The following ELP4 variants were observed in gnomAD, a reference collection of about 807,000 sequenced individuals.
ELP4 encodes elongator acetyltransferase complex subunit 4, also known as elongator complex protein 4.
ELP4 carries 51 observed loss-of-function variants against 48.9 expected under a neutral mutation model. That is an observed-to-expected ratio of 1.04 (90% CI 0.83 to 1.32). The LOEUF (loss-of-function observed/expected upper bound fraction) is 1.32. Among genes scored for constraint, ELP4 ranks in the 40% most tolerant of loss-of-function variants. The pLI, the probability that ELP4 is intolerant of heterozygous loss-of-function variation, is 0.00. For missense variants in ELP4, 519 were observed against 514.6 expected, an observed-to-expected ratio of 1.01 and a Z score of -0.08; for synonymous variants, 210 against 189.2, an observed-to-expected ratio of 1.11 and a Z score of -0.90.
rs539595589 is a variant in ELP4, at chr11:31,690,422, T to TA, written c.1143+40210dup. Among the ~76,000 whole-genome samples, 1,391 of 151,108 alleles carry TA rather than the reference T, an allele frequency of 9.2e-3. 13 individuals are homozygous for TA. Among genetic ancestry groups the TA allele is most frequent in the African/African-American group, 0.022 (895 of 41,332 alleles). On this transcript the variant is annotated intron_variant, in intron 9 of 9. Transcript: ENST00000640961. ...CTGACCAAATACCCCTTCTTTTTCC[T>TA]AAAAAAAAATATATATATTTTATAT...
At chr11:31,574,924 G>T (rs550710966) in intron 3 of ELP4, among the ~76,000 whole-genome samples, 1 of 152,316 alleles carries the variant, frequency 6.6e-6, no homozygotes, top group South Asian at 2.1e-4. Context: ...GAACAAAGCT[G>T]GACGGAGAAT....
At chr11:31,510,076 A>G (rs1024587678) in intron 1 of ELP4, 69 bp downstream of exon 1, 4 of 1,436,076 alleles carry the variant, frequency 2.8e-6, no homozygotes, top group Admixed American at 1.9e-5. Flanking sequence ...CGGGGAAGCC[A>G]CTTTGACCCC....
chr11:31,532,941 T>C (rs1301879586), intron 2 of ELP4, among the ~76,000 whole-genome samples: 3 of 151,976 alleles, frequency 2.0e-5, no homozygotes, highest in Non-Finnish European at 4.4e-5. Flanking sequence ...CTGGCTAATT[T>C]TGTATTTTTT....
At chr11:31,778,842 T>C (rs1948304622) in intron 9 of ELP4, among the ~76,000 whole-genome samples, 1 of 152,156 alleles carries the variant, frequency 6.6e-6, no homozygotes, top group Non-Finnish European at 1.5e-5. Context: ...GTTGTTGTTT[T>C]TTGTTTTTGT....
chr11:31,584,821 G>A (rs774496924), intron 3 of ELP4, among the ~76,000 whole-genome samples: 3 of 152,086 alleles, frequency 2.0e-5, no homozygotes, highest in Admixed American at 6.6e-5. Context: ...CACCACGCCC[G>A]GCCAATTCGT....
chr11:31,760,041 A>G (rs1947912594), intron 9 of ELP4, among the ~76,000 whole-genome samples: 1 of 152,178 alleles, frequency 6.6e-6, no homozygotes, highest in Admixed American at 6.5e-5. Context: ...GTTTGTATTC[A>G]TCAGCTTCAG....
chr11:31,722,464 T>C (rs1946984045), intron 9 of ELP4, among the ~76,000 whole-genome samples: 1 of 152,228 alleles, frequency 6.6e-6, no homozygotes, highest in Non-Finnish European at 1.5e-5. Context: ...TAATCAATCA[T>C]CTGTGACTTC....
chr11:31,522,137 G>A (rs1198667602), intron 2 of ELP4, among the ~76,000 whole-genome samples: 1 of 152,122 alleles, frequency 6.6e-6, no homozygotes, highest in Non-Finnish European at 1.5e-5. Context: ...AACATTACAT[G>A]TAAGAGAGAA....
At chr11:31,583,579 G>A (rs1957425676) in intron 3 of ELP4, among the ~76,000 whole-genome samples, 1 of 152,048 alleles carries the variant, frequency 6.6e-6, no homozygotes, top group Non-Finnish European at 1.5e-5. Flanking sequence ...TCCAGCCTGG[G>A]CCACACAGCG....
intron 9 of ELP4, among the ~76,000 whole-genome samples, chr11:31,655,440 G>A (rs901672204): frequency 4.6e-5 from 7 of 151,726 alleles, no homozygotes; most frequent in Non-Finnish European, 7.4e-5. Flanking sequence ...GGTATAATCC[G>A]CAATTGGGCC....
chr11:31,744,237 G>A (rs1947525501), intron 9 of ELP4, among the ~76,000 whole-genome samples: 1 of 152,138 alleles, frequency 6.6e-6, no homozygotes, highest in African/African-American at 2.4e-5. Flanking sequence ...CTCTGAAATT[G>A]AGGCAATAAT....
chr11:31,739,155 G>A (rs1318897123), intron 9 of ELP4, among the ~76,000 whole-genome samples: 1 of 152,072 alleles, frequency 6.6e-6, no homozygotes, highest in Admixed American at 6.5e-5. Context: ...AATGGGGAAT[G>A]TTAGGATGAG....
chr11:31,752,164 A>T (rs777118924), intron 9 of ELP4, among the ~76,000 whole-genome samples: 1 of 152,210 alleles, frequency 6.6e-6, no homozygotes, highest in Non-Finnish European at 1.5e-5. Flanking sequence ...ACACACACTC[A>T]CACACACTGC....
intron 3 of ELP4, among the ~76,000 whole-genome samples, chr11:31,585,008 C>G (rs931302555): frequency 1.3e-5 from 2 of 152,060 alleles, no homozygotes; most frequent in Non-Finnish European, 2.9e-5. Flanking sequence ...TTAAGAATTA[C>G]TACATTTTAG....
intron 3 of ELP4, among the ~76,000 whole-genome samples, chr11:31,562,582 G>A (rs1039680025): frequency 6.6e-6 from 1 of 151,982 alleles, no homozygotes; most frequent in East Asian, 1.9e-4. Context: ...ACTTATAAAT[G>A]TATTAAAACA....
At chr11:31,581,459 A>G (rs1449477889) in intron 3 of ELP4, among the ~76,000 whole-genome samples, 2 of 152,332 alleles carry the variant, frequency 1.3e-5, no homozygotes, top group Non-Finnish European at 2.9e-5. Flanking sequence ...GTTGCTGAAC[A>G]TACAATTCTA....
At chr11:31,686,966 C>G (rs1405404878) in intron 9 of ELP4, among the ~76,000 whole-genome samples, 2 of 151,894 alleles carry the variant, frequency 1.3e-5, no homozygotes, top group Non-Finnish European at 2.9e-5. Flanking sequence ...AGTTAGGAAA[C>G]TGTTGCAGAG....
chr11:31,614,019 T>G (rs1427397290), intron 5 of ELP4, among the ~76,000 whole-genome samples: 1 of 152,072 alleles, frequency 6.6e-6, no homozygotes, highest in Non-Finnish European at 1.5e-5. Flanking sequence ...CCTGAACACT[T>G]GAGTCATTTT....
intron 3 of ELP4, among the ~76,000 whole-genome samples, chr11:31,593,672 C>T (rs1196236697): frequency 6.6e-6 from 1 of 152,142 alleles, no homozygotes; most frequent in East Asian, 1.9e-4. Context: ...TTGCCGAATT[C>T]AAACTCATAA....
Sources: allele counts gnomAD v4.1 joint callset (sites outside exome capture counted in the v4.1 genomes callset), GRCh38; gene constraint gnomAD v4.1.1; transcripts MANE v1.5; gene names NCBI Gene and HGNC (gene_info 2026-07-23, HGNC 2026-07-21).